PRKN: variants seen among roughly 807,000 people sequenced by gnomAD.
PRKN encodes the protein E3 ubiquitin-protein ligase parkin.
A neutral mutation model predicts 59.5 loss-of-function variants in PRKN; 56 were observed. The observed-to-expected ratio is 0.94, with a 90% CI of 0.76 to 1.18. The LOEUF (loss-of-function observed/expected upper bound fraction) is 1.18. PRKN is among the 50% of genes most tolerant of loss of function. The pLI is 0.00. For missense variants in PRKN, 657 were observed against 596.4 expected, an observed-to-expected ratio of 1.10 and a Z score of -1.06; for synonymous variants, 250 against 222.1, an observed-to-expected ratio of 1.13 and a Z score of -1.12.
intron 7 of PRKN, among the ~76,000 whole-genome samples, chr6:161,675,646 T>C (rs551286255): frequency 6.6e-6 from 1 of 152,314 alleles, no homozygotes; most frequent in Non-Finnish European, 1.5e-5. Flanking sequence ...CTGCTTACTA[T>C]GCCGTTTTGT....
chr6:162,418,364 G>C (rs1788753745), intron 2 of PRKN, among the ~76,000 whole-genome samples: 1 of 152,166 alleles, frequency 6.6e-6, no homozygotes, highest in African/African-American at 2.4e-5. Context: ...GACTGCTACT[G>C]AGTATGAGGT....
At position 161,783,577 on chromosome 6, in the gene PRKN, G is replaced by A. The variant is rs113915738; in HGVS notation, c.871+2195C>T. On this transcript the variant is annotated intron_variant, in intron 7 of 11. Coordinates refer to ENST00000366898, the MANE Select transcript of PRKN (RefSeq NM_004562.3). ...AAAAGATACACATTAAAAGAAAATG[G>A]GTTCAAAATGAACTGATAACTAAAA... The A allele has an allele frequency of 6.0e-3, 2,856 of 477,484 alleles. 56 individuals are homozygous for A. The highest frequency in any genetic ancestry group is 0.032 in the South Asian group (2,006 of 62,840). 29.6% of individuals were successfully genotyped at this position (477,484 alleles called of 1,614,324 possible). A position where few individuals can be genotyped will look rare whatever the true frequency, so the allele number is the denominator to read the frequency against.
chr6:161,892,902 G>A (rs903643850), intron 6 of PRKN, among the ~76,000 whole-genome samples: 1 of 152,214 alleles, frequency 6.6e-6, no homozygotes, highest in African/African-American at 2.4e-5. Flanking sequence ...GAGTGCAGTG[G>A]TGCAATCTTG....
chr6:162,515,084 CTTT>C (rs11394289), intron 1 of PRKN, among the ~76,000 whole-genome samples: 3 of 140,362 alleles, frequency 2.1e-5, no homozygotes, highest in Non-Finnish European at 3.1e-5. Context: ...ACTATTTTTA[CTTT>C]TTTTTTTTTT....
intron 1 of PRKN, among the ~76,000 whole-genome samples, chr6:162,573,063 A>G (rs1183314206): frequency 6.6e-6 from 1 of 152,140 alleles, no homozygotes; most frequent in African/African-American, 2.4e-5. Context: ...ATTTCTCAAA[A>G]TCATCTCTTA....
At chr6:161,858,165 C>T (rs1793733473) in intron 6 of PRKN, among the ~76,000 whole-genome samples, 1 of 152,156 alleles carries the variant, frequency 6.6e-6, no homozygotes, top group Non-Finnish European at 1.5e-5. Flanking sequence ...AAACTGATCA[C>T]AAGTAAGAGA....
At chr6:162,532,479 C>T (rs1778554584) in intron 1 of PRKN, among the ~76,000 whole-genome samples, 1 of 152,080 alleles carries the variant, frequency 6.6e-6, no homozygotes, top group African/African-American at 2.4e-5. Flanking sequence ...TTTTTGTGCT[C>T]AGGTTTGATA....
chr6:161,987,384 G>A (rs528421564), intron 5 of PRKN, among the ~76,000 whole-genome samples: 1 of 152,278 alleles, frequency 6.6e-6, no homozygotes, highest in East Asian at 1.9e-4. Context: ...GCGTAGACAT[G>A]TGTGCTTTAT....
At chr6:161,720,924 T>C (rs1469453001) in intron 7 of PRKN, among the ~76,000 whole-genome samples, 1 of 152,242 alleles carries the variant, frequency 6.6e-6, no homozygotes, top group Admixed American at 6.5e-5. Context: ...TTCAGAAGTA[T>C]GCATTACTTC....
At chr6:162,096,979 G>GCCTCAGCCTC (rs1265038549) in intron 4 of PRKN, among the ~76,000 whole-genome samples, 1 of 147,120 alleles carries the variant, frequency 6.8e-6, no homozygotes, top group Non-Finnish European at 1.5e-5. Flanking sequence ...CCATTCTCCT[G>GCCTCAGCCTC]CCTCAGCCTC....
intron 5 of PRKN, among the ~76,000 whole-genome samples, chr6:161,981,012 G>A (rs544836872): frequency 1.8e-4 from 28 of 152,284 alleles, no homozygotes; most frequent in African/African-American, 2.9e-4. Flanking sequence ...AACTATACTC[G>A]TCAAAAGACT....
Position 161,410,562 on chromosome 6 carries a change from C to T in PRKN, c.1084-23685G>A, listed in dbSNP as rs1347129425. ...ATACTCTAAGGAGCCCGGGTCTGAG[C>T]TGGACACACACAGCAGCGAGAGGGG... On this transcript the variant is annotated intron_variant, in intron 9 of 11. Coordinates refer to ENST00000366898, the MANE Select transcript of PRKN (RefSeq NM_004562.3). This position sits in a 1 kb window ranked among gnomAD's most constrained non-coding sequence, Gnocchi z 5.3. Among the ~76,000 whole-genome samples, 8 of 152,156 alleles carry T rather than the reference C, an allele frequency of 5.3e-5. No homozygotes were observed. The highest frequency in any genetic ancestry group is 1.9e-4 in the African/African-American group (8 of 41,432).
intron 1 of PRKN, among the ~76,000 whole-genome samples, chr6:162,597,524 CCTTT>C (rs1160645252): frequency 6.6e-6 from 1 of 152,096 alleles, no homozygotes; most frequent in Non-Finnish European, 1.5e-5. Flanking sequence ...TATTTGAAGA[CCTTT>C]CTTATTATGT....
At chr6:161,648,552 A>C (rs537980360) in intron 7 of PRKN, among the ~76,000 whole-genome samples, 61 of 152,318 alleles carry the variant, frequency 4.0e-4, no homozygotes, top group Middle Eastern at 3.4e-3. Flanking sequence ...ATAAAATTAA[A>C]CAGTATTATT....
At chr6:161,522,013 G>T (rs7763340) in intron 9 of PRKN, among the ~76,000 whole-genome samples, 1 of 152,166 alleles carries the variant, frequency 6.6e-6, no homozygotes, top group Admixed American at 6.5e-5. Flanking sequence ...AGAAAGCTCT[G>T]TTGGGGCTGG....
At chr6:161,981,355 T>C (rs1781251251) in intron 5 of PRKN, among the ~76,000 whole-genome samples, 1 of 152,156 alleles carries the variant, frequency 6.6e-6, no homozygotes, top group South Asian at 2.1e-4. Context: ...TCATTATTAA[T>C]CTTAATAATA....
chr6:162,581,716 G>A (rs746946078), intron 1 of PRKN, among the ~76,000 whole-genome samples: 2 of 152,120 alleles, frequency 1.3e-5, no homozygotes, highest in Non-Finnish European at 1.5e-5. Flanking sequence ...CCAAGATCAC[G>A]CCACTGCACT....
chr6:161,543,948 T>A (rs1407655453), intron 9 of PRKN, among the ~76,000 whole-genome samples: 1 of 152,106 alleles, frequency 6.6e-6, no homozygotes, highest in Non-Finnish European at 1.5e-5. Context: ...TGAATAGCAA[T>A]AAGGCCAGAA....
intron 2 of PRKN, among the ~76,000 whole-genome samples, chr6:162,335,695 T>A (rs896483146): frequency 6.6e-6 from 1 of 152,178 alleles, no homozygotes; most frequent in Non-Finnish European, 1.5e-5. Flanking sequence ...AAACTGCTCT[T>A]ATTTCTCCTA....
Sources: allele counts gnomAD v4.1 joint callset (sites outside exome capture counted in the v4.1 genomes callset), GRCh38; gene constraint gnomAD v4.1.1; non-coding constraint Gnocchi (gnomAD v3.1); transcripts MANE v1.5; gene names NCBI Gene and HGNC (gene_info 2026-07-23, HGNC 2026-07-21).